ATF3: variants seen among roughly 807,000 people sequenced by gnomAD.
ATF3 encodes the protein activating transcription factor 3, also known as cyclic AMP-dependent transcription factor ATF-3.
Under a neutral mutation model 18.4 loss-of-function variants are expected in ATF3, and 10 were observed. The ratio of observed to expected loss-of-function variants is 0.54; its 90% CI spans 0.34 to 0.92. The LOEUF is 0.92. Ranked by LOEUF, ATF3 falls within the 40% of genes least tolerant of loss-of-function variation. The pLI is 0.02. For synonymous variants in ATF3, 78 were observed against 87.9 expected (o/e 0.89, Z 0.63); for missense variants, 183 against 222.3 (o/e 0.82, Z 1.12).
chr1:212,597,092 G>A (rs996314118), intron 1 of ATF3, among the ~76,000 whole-genome samples: 1 of 152,214 alleles, frequency 6.6e-6, no homozygotes, highest in Non-Finnish European at 1.5e-5. Context: ...GACATTAAGT[G>A]TTGGAAATTG....
intron 1 of ATF3, among the ~76,000 whole-genome samples, chr1:212,601,861 C>A (rs144326870): frequency 2.6e-5 from 4 of 151,684 alleles, no homozygotes; most frequent in Non-Finnish European, 4.4e-5. Context: ...AAGGGTAAGG[C>A]GTGAAGAGGG....
At chr1:212,568,445 C>T (rs1664421737) in intron 1 of ATF3, among the ~76,000 whole-genome samples, 1 of 152,184 alleles carries the variant, frequency 6.6e-6, no homozygotes, top group South Asian at 2.1e-4. Context: ...AGAAAGAGCA[C>T]ACCAAAAACA....
intron 1 of ATF3, among the ~76,000 whole-genome samples, chr1:212,570,249 T>C (rs1214346922): frequency 3.3e-5 from 5 of 152,186 alleles, no homozygotes; most frequent in Admixed American, 6.5e-5. Context: ...ATCGAATCTG[T>C]CAATTTTTTT....
chr1:212,593,452 T>C (rs1199194198), intron 1 of ATF3, among the ~76,000 whole-genome samples: 1 of 151,742 alleles, frequency 6.6e-6, no homozygotes, highest in Non-Finnish European at 1.5e-5. Context: ...AAAAAAAGTG[T>C]TCTTGGGTGT....
intron 1 of ATF3, among the ~76,000 whole-genome samples, chr1:212,602,933 C>T (rs1241222894): frequency 2.0e-5 from 3 of 152,298 alleles, no homozygotes; most frequent in Middle Eastern, 3.4e-3. Context: ...TTTAATACAA[C>T]ACAATATTTT....
chr1:212,593,743 T>TTA (rs1275029482), intron 1 of ATF3, among the ~76,000 whole-genome samples: 1 of 115,402 alleles, frequency 8.7e-6, no homozygotes, highest in Non-Finnish European at 1.7e-5. Context: ...CCTGTCTCTT[T>TTA]AAAAAAAAAA....
chr1:212,590,613 C>T (rs6688458), intron 1 of ATF3, among the ~76,000 whole-genome samples: 5,177 of 152,150 alleles, frequency 0.034, 348 homozygotes, highest in African/African-American at 0.12. Context: ...TATATTACTT[C>T]AATTTTTAAA....
At chr1:212,595,619 G>T (rs548736420) in intron 1 of ATF3, among the ~76,000 whole-genome samples, 3 of 152,322 alleles carry the variant, frequency 2.0e-5, no homozygotes, top group African/African-American at 7.2e-5. Context: ...GATAGATGCT[G>T]AATGGCCAAG....
intron 1 of ATF3, among the ~76,000 whole-genome samples, chr1:212,580,793 G>T (rs547060353): frequency 2.2e-4 from 34 of 152,242 alleles, no homozygotes; most frequent in African/African-American, 8.2e-4. Context: ...TTTTGAGACA[G>T]AGTCTCGCTC....
chr1:212,596,558 T>C (rs1664998430), intron 1 of ATF3, among the ~76,000 whole-genome samples: 1 of 152,248 alleles, frequency 6.6e-6, no homozygotes, highest in Non-Finnish European at 1.5e-5. Flanking sequence ...GTGTTTCCTT[T>C]GGTTCTACAT....
upstream of ATF3, among the ~76,000 whole-genome samples, chr1:212,604,928 G>A (rs1231822361): frequency 2.6e-5 from 4 of 152,192 alleles, no homozygotes; most frequent in Non-Finnish European, 4.4e-5. Context: ...GATGGGGAAC[G>A]AGGATGGCTT....
chr1:212,584,377 A>G (rs983442083), intron 1 of ATF3, among the ~76,000 whole-genome samples: 4 of 152,132 alleles, frequency 2.6e-5, no homozygotes, highest in Non-Finnish European at 5.9e-5. Context: ...GTGGGCCACT[A>G]GATCTGTAGT....
At chr1:212,609,601 C>CG (rs1654806546) in intron 1 of ATF3, among the ~76,000 whole-genome samples, 1 of 152,164 alleles carries the variant, frequency 6.6e-6, no homozygotes, top group Non-Finnish European at 1.5e-5. Context: ...GCTGGTGTCG[C>CG]GCTGTCCCGG....
At chr1:212,617,535 C>T (rs1435985931) in intron 2 of ATF3, among the ~76,000 whole-genome samples, 1 of 152,202 alleles carries the variant, frequency 6.6e-6, no homozygotes. Context: ...GGTGGCACCC[C>T]AGCATGGGCC....
At position 212,569,756 on chromosome 1, in the gene ATF3, T is replaced by C. The variant is rs1031315577; in HGVS notation, c.-5+4273T>C. ...AATGTAGTTTACCTTACTAATACTC[T>C]ATGTTAAACATTTGGGTAATATCTG... On this transcript the variant is annotated intron_variant, in intron 1 of 3. Transcript: ENST00000366981. Among the ~76,000 whole-genome samples, 11 of 146,174 alleles carry C rather than the reference T, an allele frequency of 7.5e-5. No homozygotes were observed. In the East Asian group the frequency reaches 1.9e-3, roughly 26 times the overall value.
chr1:212,602,226 C>T (rs900455720), intron 1 of ATF3, among the ~76,000 whole-genome samples: 1 of 152,124 alleles, frequency 6.6e-6, no homozygotes, highest in Non-Finnish European at 1.5e-5. Flanking sequence ...GATAGTATGC[C>T]TTGCCAGCCA....
intron 1 of ATF3, among the ~76,000 whole-genome samples, chr1:212,612,329 G>A (rs563834212): frequency 1.2e-3 from 190 of 152,290 alleles, no homozygotes; most frequent in African/African-American, 1.8e-3. Context: ...CAGACCCCAA[G>A]CCCTGAGAGC....
At chr1:212,598,634 A>G (rs1409988543) in intron 1 of ATF3, among the ~76,000 whole-genome samples, 1 of 152,164 alleles carries the variant, frequency 6.6e-6, no homozygotes, top group Non-Finnish European at 1.5e-5. Context: ...AGCCTCTGGT[A>G]ACCATCCTTC....
intron 1 of ATF3, among the ~76,000 whole-genome samples, chr1:212,612,891 G>C (rs1654953176): frequency 6.6e-6 from 1 of 152,210 alleles, no homozygotes; most frequent in South Asian, 2.1e-4. Context: ...GGGCTGGAGA[G>C]ATCTCTGGGA....
Sources: allele counts gnomAD v4.1 joint callset (sites outside exome capture counted in the v4.1 genomes callset), GRCh38; gene constraint gnomAD v4.1.1; transcripts MANE v1.5; gene names NCBI Gene and HGNC (gene_info 2026-07-23, HGNC 2026-07-21).